Variants in EHF observed in about 807,000 individuals in gnomAD.
EHF encodes ETS homologous factor, also known as ESE3 transcription factor.
EHF carries 14 observed loss-of-function variants against 45.1 expected under a neutral mutation model. That is an observed-to-expected ratio of 0.31 (90% CI 0.21 to 0.49). EHF has a LOEUF of 0.49. Among genes scored for constraint, EHF ranks in the 20% least tolerant of loss-of-function variants. EHF has a pLI of 0.99. For missense variants in EHF, 282 were observed against 371.4 expected, an observed-to-expected ratio of 0.76 and a Z score of 1.98; for synonymous variants, 136 against 131.8, an observed-to-expected ratio of 1.03 and a Z score of -0.22.
intron 1 of EHF, among the ~76,000 whole-genome samples, chr11:34,640,631 GCA>G (rs1179972987): frequency 1.3e-5 from 2 of 152,148 alleles, no homozygotes; most frequent in Non-Finnish European, 2.9e-5. Flanking sequence ...TAGCTTTAGG[GCA>G]ATTGCTCTAC....
chr11:34,623,886 C>T (rs1044517079), intron 1 of EHF, among the ~76,000 whole-genome samples: 1 of 152,182 alleles, frequency 6.6e-6, no homozygotes, highest in African/African-American at 2.4e-5. Context: ...GTCACAGTAT[C>T]AAACACAGAC....
At chr11:34,628,635 A>C (rs1356532180) in intron 1 of EHF, among the ~76,000 whole-genome samples, 1 of 152,222 alleles carries the variant, frequency 6.6e-6, no homozygotes, top group Non-Finnish European at 1.5e-5. Flanking sequence ...AATAAGAATG[A>C]TAATGGTAAT....
chr11:34,651,713 T>C, intron 5 of EHF, 24 bp from the exon 6 acceptor site: 1 of 1,613,710 alleles, frequency 6.2e-7, no homozygotes, highest in Non-Finnish European at 8.5e-7. Context: ...GCTCTAAATG[T>C]CCTTTATCTT....
chr11:34,651,238 G>T (rs917335116), intron 4 of EHF, among the ~76,000 whole-genome samples: 2 of 152,022 alleles, frequency 1.3e-5, no homozygotes, highest in Admixed American at 6.5e-5. Context: ...GCCAAGCCAG[G>T]TTAGGAAAAT....
At chr11:34,644,779 G>A (rs1169695846) in intron 2 of EHF, among the ~76,000 whole-genome samples, 1 of 152,198 alleles carries the variant, frequency 6.6e-6, no homozygotes, top group South Asian at 2.1e-4. Context: ...CTTGTAATTC[G>A]ATAGACCAGC....
rs1055400893 is a variant in EHF, at chr11:34,640,757, T to A, written c.-3-1871T>A. On this transcript the variant is annotated intron_variant, in intron 1 of 8. Coordinates refer to ENST00000257831, the MANE Select transcript of EHF (RefSeq NM_012153.6). ...AAGAGCTTTTCAGAAAAGGAACTTATGATCAGTATAGTCACCATCTGTAAA... is the reference window on the plus strand; with the variant it reads ...AAGAGCTTTTCAGAAAAGGAACTTAAGATCAGTATAGTCACCATCTGTAAA... Among the ~76,000 whole-genome samples the A allele has an allele frequency of 5.9e-5, 9 of 152,340 alleles. No homozygotes were observed. The East Asian group carries it at 1.5e-3, about 26-fold the overall frequency.
At chr11:34,628,280 C>T (rs286916) in intron 1 of EHF, among the ~76,000 whole-genome samples, 7,468 of 152,194 alleles carry the variant, frequency 0.049, 231 homozygotes, top group East Asian at 0.086. Flanking sequence ...ATTACTTTTG[C>T]ACCAACATAA....
rs757126229 is a variant in EHF, at chr11:34,658,719, G to A, written c.794G>A (p.Arg265Gln). 1 of 1,612,956 alleles carries A rather than the reference G, an allele frequency of 6.2e-7. No homozygotes were observed. Among genetic ancestry groups the A allele is most frequent in the Non-Finnish European group, 8.5e-7 (1 of 1,179,516 alleles). Reference protein sequence around the residue: ...NSSMTYEKLSRAMRYYYKREI... With the variant: ...NSSMTYEKLSQAMRYYYKREI... ...AGCATGACCTATGAAAAGCTCAGCC[G>A]AGCTATGAGGTGAGGAGTTTCATGT... The change falls in exon 8 of 9, where the codon CGA becomes CAA. Residue 265 changes from arginine (R) to glutamine (Q), a missense_variant. Physicochemically the swap from Arg to Gln is conservative, Grantham distance 43 (BLOSUM62 1). This residue lies in a region of EHF where 41 missense variants were observed against 87.0 expected (regional missense o/e 0.47). Transcript: ENST00000257831.
intron 7 of EHF, 130 bp downstream of exon 7, chr11:34,657,100 G>A (rs1386843569): frequency 4.5e-6 from 5 of 1,120,084 alleles, no homozygotes; most frequent in African/African-American, 1.6e-5. Context: ...ACAGGGTGGA[G>A]TGAGAAAATA....
chr11:34,645,780 A>G (rs1345875328), intron 2 of EHF, among the ~76,000 whole-genome samples: 1 of 152,192 alleles, frequency 6.6e-6, no homozygotes, highest in Non-Finnish European at 1.5e-5. Context: ...AAGAAGAGTT[A>G]GTGAAGAGCC....
chr11:34,635,312 T>C (rs1853275430), intron 1 of EHF, among the ~76,000 whole-genome samples: 1 of 152,096 alleles, frequency 6.6e-6, no homozygotes, highest in African/African-American at 2.4e-5. Flanking sequence ...GAGCAGTCCT[T>C]GGGCTTGTTA....
At chr11:34,632,787 T>C in intron 1 of EHF, 1 of 1,065,210 alleles carries the variant, frequency 9.4e-7, no homozygotes, top group Admixed American at 2.0e-5. Flanking sequence ...GCCGTGTCCT[T>C]GTGAATAGTC....
chr11:34,626,449 C>A (rs1852386849), intron 1 of EHF, among the ~76,000 whole-genome samples: 1 of 152,158 alleles, frequency 6.6e-6, no homozygotes. Flanking sequence ...ATGATATATT[C>A]TGGACAATAA....
chr11:34,641,083 T>C (rs980525120), intron 1 of EHF, among the ~76,000 whole-genome samples: 2 of 152,176 alleles, frequency 1.3e-5, no homozygotes, highest in African/African-American at 4.8e-5. Context: ...TCAAAGCTCC[T>C]ATACATGGTG....
intron 1 of EHF, among the ~76,000 whole-genome samples, chr11:34,640,570 T>G (rs755072326): frequency 2.5e-4 from 38 of 152,302 alleles, no homozygotes; most frequent in Non-Finnish European, 1.5e-4. Flanking sequence ...AGCCACCCGG[T>G]CTGGGGACTT....
Position 34,657,040 on chromosome 11 carries a change from T to A in EHF, c.607+70T>A, listed in dbSNP as rs1251166914. ...ATCGGGCACATCTGGAGGCCACTAG[T>A]TTTTTGGCAAATATCGCCTCTGTCT... On this transcript the variant is annotated intron_variant, in intron 7 of 8. Coordinates refer to ENST00000257831, the MANE Select transcript of EHF (RefSeq NM_012153.6). The A allele has an allele frequency of 2.5e-6, 4 of 1,578,010 alleles. No homozygotes were observed. In the African/African-American group the frequency reaches 4.1e-5, roughly 16 times the overall value.
intron 6 of EHF, among the ~76,000 whole-genome samples, chr11:34,654,539 A>G (rs1221582175): frequency 2.0e-5 from 3 of 152,078 alleles, no homozygotes; most frequent in Non-Finnish European, 4.4e-5. Flanking sequence ...TGATGGAAAG[A>G]TTTTTATTTG....
chr11:34,630,708 TA>T (rs952504462), intron 1 of EHF, among the ~76,000 whole-genome samples: 3 of 152,302 alleles, frequency 2.0e-5, no homozygotes, highest in African/African-American at 7.2e-5. Flanking sequence ...AGGGTGTTGT[TA>T]AATCTTTTAT....
In EHF at chr11:34,659,745, G is replaced by A. The variant is rs371367620; in HGVS notation, c.*814G>A. On this transcript the variant is annotated 3_prime_UTR_variant, in exon 9 of 9. Transcript: ENST00000257831. ...TAAAAATAAGTTGGAAAAAGGAGAC[G>A]GTGGTGTGGAAATGGCTGAAGAGTT... 4 of 152,090 alleles carry A rather than the reference G, an allele frequency of 2.6e-5. No individual in the cohort carries two copies. Among genetic ancestry groups the A allele is most frequent in the African/African-American group, 4.8e-5 (2 of 41,424 alleles). 9.4% of individuals were successfully genotyped at this position (152,090 alleles called of 1,614,324 possible).
Sources: allele counts gnomAD v4.1 joint callset (sites outside exome capture counted in the v4.1 genomes callset), GRCh38; gene constraint gnomAD v4.1.1; regional missense constraint gnomAD v4.1.1; transcripts MANE v1.5; gene names NCBI Gene and HGNC (gene_info 2026-07-23, HGNC 2026-07-21).